The following KCNK6 variants were observed in gnomAD, a reference collection of about 807,000 sequenced individuals.
The protein encoded by KCNK6 is potassium channel subfamily K member 6.
A neutral mutation model predicts 21.9 loss-of-function variants in KCNK6; 20 were observed. The ratio of observed to expected loss-of-function variants is 0.91; its 90% CI spans 0.64 to 1.32. The LOEUF is 1.32. Ranked by LOEUF, KCNK6 falls within the 40% of genes most tolerant of loss-of-function variation. The probability of loss-of-function intolerance (pLI) is 0.00; values close to 1 mark genes in which losing one functional copy is unlikely to be tolerated. For missense variants in KCNK6, 415 were observed against 433.1 expected, an observed-to-expected ratio of 0.96 and a Z score of 0.37; for synonymous variants, 210 against 218.0, an observed-to-expected ratio of 0.96 and a Z score of 0.32.
Position 38,326,808 on chromosome 19 carries a change from G to A in KCNK6, c.538G>A (p.Val180Ile), listed in dbSNP as rs144758687. The part of the protein sequence containing the change: ...CWHLVALLGV[V>I]VTVCFLVPAV... ...GCACTTGGTGGCCCTGTTGGGGGTC[G>A]TAGTGACCGTCTGCTTTCTGGTGCC... is the stretch of plus-strand genomic sequence containing the variant. Residue 180 changes from valine (V) to isoleucine (I), a missense_variant, in exon 2 of 3, where the codon GTA becomes ATA. Coordinates refer to ENST00000263372, the MANE Select transcript of KCNK6 (RefSeq NM_004823.3). 1.7e-5 allele frequency: 28 copies of A among 1,607,478 alleles called. No homozygotes were observed. Among genetic ancestry groups the A allele is most frequent in the Middle Eastern group, 1.6e-4 (1 of 6,062 alleles).
chr19:38,321,631 A>G (rs1969652817), intron 1 of KCNK6, among the ~76,000 whole-genome samples: 1 of 152,214 alleles, frequency 6.6e-6, no homozygotes, highest in Non-Finnish European at 1.5e-5. Context: ...TTTGTTGAGG[A>G]GAGGAGGCTG....
intron 1 of KCNK6, among the ~76,000 whole-genome samples, chr19:38,324,481 C>T (rs565836332): frequency 9.9e-5 from 15 of 152,188 alleles, no homozygotes; most frequent in Non-Finnish European, 1.5e-4. Context: ...ACTTCCATTC[C>T]CAAGGTCGCC....
chr19:38,322,887 C>T (rs894445420), intron 1 of KCNK6, among the ~76,000 whole-genome samples: 7 of 151,792 alleles, frequency 4.6e-5, no homozygotes, highest in Admixed American at 2.0e-4. Context: ...CTGAGGCGGG[C>T]GGATCACCTG....
chr19:38,326,245 A>C (rs926621941), intron 1 of KCNK6, among the ~76,000 whole-genome samples: 1 of 151,976 alleles, frequency 6.6e-6, no homozygotes, highest in Non-Finnish European at 1.5e-5. Context: ...GCAGGTGTTG[A>C]GTGGGCAGGA....
intron 1 of KCNK6, among the ~76,000 whole-genome samples, chr19:38,324,468 G>A (rs931849229): frequency 4.6e-5 from 7 of 152,096 alleles, no homozygotes; most frequent in Non-Finnish European, 1.0e-4. Flanking sequence ...ACTCCTCTGC[G>A]CAACTTCCAT....
rs1428443760 is a variant in KCNK6, at chr19:38,326,642, C to T, written c.372C>T (p.Ile124=). 25 of 1,610,538 alleles carry T rather than the reference C, an allele frequency of 1.6e-5. No homozygotes were observed. The highest frequency in any genetic ancestry group is 2.2e-5 in the East Asian group (1 of 44,898). Reference sequence around the variant, plus strand: ...CTGATGCGGGCAAGGCCTTCTCCATCGCCTTTGCGCTCCTGGGCGTGCCGA... The same window carrying T: ...CTGATGCGGGCAAGGCCTTCTCCATTGCCTTTGCGCTCCTGGGCGTGCCGA... ...PLTDAGKAFS[I]AFALLGVPTT... is the part of the protein sequence containing the mutation. Residue 124 remains isoleucine (I), a synonymous_variant, in exon 2 of 3, where the codon ATC becomes ATT. Coordinates refer to ENST00000263372, the MANE Select transcript of KCNK6 (RefSeq NM_004823.3).
Position 38,320,067 on chromosome 19 carries a change from G to A in KCNK6, c.117G>A (p.Glu39=). The A allele has an allele frequency of 1.3e-6, 2 of 1,524,662 alleles. No homozygotes were observed. Among genetic ancestry groups the A allele is most frequent in the Non-Finnish European group, 1.8e-6 (2 of 1,142,604 alleles). 94.4% of individuals were successfully genotyped at this position (1,524,662 alleles called of 1,614,324 possible). ...CGCACGAAGCCAGGCTCCGAGCCGAGCTGGAGACGCTGCGGGCGCAGCTGC... is the reference window on the plus strand; with the variant it reads ...CGCACGAAGCCAGGCTCCGAGCCGAACTGGAGACGCTGCGGGCGCAGCTGC... ...EGPHEARLRA[E]LETLRAQLLQ... Residue 39 remains glutamate, a synonymous_variant, in exon 1 of 3, where the codon GAG becomes GAA. Coordinates refer to ENST00000263372, the MANE Select transcript of KCNK6 (RefSeq NM_004823.3).
intron 1 of KCNK6, 59 bp from the exon 2 acceptor site, chr19:38,326,534 G>A (rs908894638): frequency 2.0e-6 from 3 of 1,522,230 alleles, no homozygotes; most frequent in East Asian, 4.5e-5. Context: ...CCGGGTGACA[G>A]AGTGACCCCC....
intron 1 of KCNK6, among the ~76,000 whole-genome samples, chr19:38,320,756 A>G (rs1969642600): frequency 2.6e-5 from 4 of 151,894 alleles, no homozygotes; most frequent in South Asian, 4.2e-4. Context: ...ACGGAGTTTC[A>G]CCATGTTGGC....
Position 38,328,957 on chromosome 19 carries a change from AAAGAAAGAAAAGT to A in KCNK6, c.*1566_*1578del, listed in dbSNP as rs764605456. 6.6e-6 allele frequency: 1 copy of A among 151,156 alleles called. No homozygotes were observed. The highest frequency in any genetic ancestry group is 1.5e-5 in the Non-Finnish European group (1 of 67,640). The allele number at this position is 151,156 out of a possible 1,614,324, so 9.4% of individuals were successfully genotyped here. The stretch of plus-strand genomic sequence containing the variant: ...GAGAAAGAGAGAGAGAGAGAAAGAA[AAAGAAAGAAAAGT>A]AAGAAAGAAAAAAGAAAAAGAAAGA... On this transcript the variant is annotated 3_prime_UTR_variant, in exon 3 of 3. Coordinates refer to ENST00000263372, the MANE Select transcript of KCNK6 (RefSeq NM_004823.3).
rs1398498069 is a variant in KCNK6 at position 38,320,236 on chromosome 19, G to T, written c.286G>T (p.Ala96Ser). Residue 96 changes from alanine to serine, a missense_variant, in exon 1 of 3, where the codon GCT becomes TCT. Coordinates refer to ENST00000263372, the MANE Select transcript of KCNK6 (RefSeq NM_004823.3). The part of the protein sequence containing the change: ...ASDPAWDFAS[A>S]LFFASTLITT... ...GGACCCCGCCTGGGACTTCGCCTCTGCTCTCTTCTTCGCCAGCACGCTGAT... is the reference window on the plus strand; with the variant it reads ...GGACCCCGCCTGGGACTTCGCCTCTTCTCTCTTCTTCGCCAGCACGCTGAT... The T allele has an allele frequency of 1.7e-5, 28 of 1,605,802 alleles. No homozygotes were observed. The highest frequency in any genetic ancestry group is 2.1e-5 in the Non-Finnish European group (25 of 1,179,810).
rs989033670 is a variant in KCNK6, at chr19:38,319,905, C to CA, written c.-45dup. 1.3e-4 allele frequency: 184 copies of CA among 1,368,592 alleles called. No homozygotes were observed. The Middle Eastern group carries it at 2.4e-3, about 18-fold the overall frequency. The allele number at this position is 1,368,592 out of a possible 1,614,324, so 84.8% of individuals were successfully genotyped here. ...TGCCAGACGGTCCGGAGGCGGGGGC[C>CA]ACGTCAGCGGGGCCACCCAGGGCTC... On this transcript the variant is annotated 5_prime_UTR_variant, in exon 1 of 3. Coordinates refer to ENST00000263372, the MANE Select transcript of KCNK6 (RefSeq NM_004823.3).
rs753396263 is a variant in KCNK6, at chr19:38,327,379, C to A, written c.918C>A (p.Thr306=). ...SHQQLSASSH[T]DYASIPR is the part of the protein sequence containing the mutation. ...AGCAACTCTCTGCCAGCTCCCACAC[C>A]GACTACGCTTCCATCCCCAGGTAGC... is the stretch of plus-strand genomic sequence containing the variant. The change falls in exon 3 of 3, where the codon ACC becomes ACA. Residue 306 remains threonine (T), a synonymous_variant. Transcript: ENST00000263372. 1 of 1,610,086 alleles carries A rather than the reference C, an allele frequency of 6.2e-7. No homozygotes were observed. Among genetic ancestry groups the A allele is most frequent in the Non-Finnish European group, 8.5e-7 (1 of 1,179,994 alleles).
rs1320889980 is a variant in KCNK6, at chr19:38,327,205, C to A, written c.744C>A (p.Ala248=). ...VTVYLFLGLV[A]MVLVLQTFRH... ...TCTACCTCTTCCTGGGCCTGGTGGC[C>A]ATGGTGCTGGTGCTGCAGACCTTCC... Residue 248 remains alanine, a synonymous_variant, in exon 3 of 3, where the codon GCC becomes GCA. Transcript: ENST00000263372. 6.2e-7 allele frequency: 1 copy of A among 1,613,098 alleles called. No individual in the cohort carries two copies. Among genetic ancestry groups the A allele is most frequent in the Non-Finnish European group, 8.5e-7 (1 of 1,180,026 alleles).
chr19:38,325,649 C>CCA, intron 1 of KCNK6: 2 of 551,760 alleles, frequency 3.6e-6, no homozygotes, highest in Non-Finnish European at 2.3e-6. Flanking sequence ...AGGATGTTAC[C>CCA]ATTTAGGGTG....
At chr19:38,322,583 G>C (rs187657386) in intron 1 of KCNK6, among the ~76,000 whole-genome samples, 9 of 152,238 alleles carry the variant, frequency 5.9e-5, no homozygotes, top group Non-Finnish European at 1.3e-4. Flanking sequence ...TTGGAGGGCC[G>C]AGGTGGGCAG....
rs1443175591 is a variant in KCNK6, at chr19:38,326,933, G to A, written c.663G>A (p.Val221=). 2.5e-6 allele frequency: 4 copies of A among 1,608,938 alleles called. No individual in the cohort carries two copies. The African/African-American group carries it at 4.0e-5, about 16-fold the overall frequency. The change falls in exon 2 of 3, where the codon GTG becomes GTA. Residue 221 remains valine (V), a synonymous_variant. Transcript: ENST00000263372. The part of the protein sequence containing the change: ...SLSTIGLGDY[V]PGEAPGQPYR... Reference sequence around the variant, plus strand: ...CCACCATCGGCCTGGGCGACTACGTGCCCGGGGAGGCCCCTGGCCAGCCCT... The same window carrying A: ...CCACCATCGGCCTGGGCGACTACGTACCCGGGGAGGCCCCTGGCCAGCCCT...
Position 38,330,055 on chromosome 19 carries a change from GC to G in KCNK6, c.*2654del, listed in dbSNP as rs1969755079. ...TGTATCAAGAGGTCATAGGGGGCAG[GC>G]CAGGTGGCTCACGCCTGTAATCCCA... On this transcript the variant is annotated 3_prime_UTR_variant, in exon 3 of 3. Transcript: ENST00000263372. 6.6e-6 allele frequency: 1 copy of G among 152,480 alleles called. No individual in the cohort carries two copies. Among genetic ancestry groups the G allele is most frequent in the Non-Finnish European group, 1.5e-5 (1 of 68,242 alleles). 9.4% of individuals were successfully genotyped at this position (152,480 alleles called of 1,614,324 possible).
Position 38,326,986 on chromosome 19 carries a change from C to T in KCNK6, c.716C>T (p.Thr239Ile). Reference sequence around the variant, plus strand: ...CGGGCCCTCTACAAGGTGCTGGTCACAGGTGAGCTGGGTGGCTAGGGCAGG... The same window carrying T: ...CGGGCCCTCTACAAGGTGCTGGTCATAGGTGAGCTGGGTGGCTAGGGCAGG... The part of the protein sequence containing the change: ...PYRALYKVLV[T>I]VYLFLGLVAM... The change falls in exon 2 of 3, where the codon ACA becomes ATA. Residue 239 changes from threonine (T) to isoleucine (I), a missense_variant and splice_region_variant. By Grantham distance (89) the Thr-to-Ile change is moderately conservative. Transcript: ENST00000263372. The T allele has an allele frequency of 6.3e-7, 1 of 1,597,196 alleles. No homozygotes were observed. Among genetic ancestry groups the T allele is most frequent in the Non-Finnish European group, 8.5e-7 (1 of 1,177,090 alleles).
Sources: gnomAD v4.1 joint callset for allele counts (sites outside exome capture counted in the v4.1 genomes callset) on GRCh38, gnomAD v4.1.1 for gene constraint, MANE v1.5 for transcripts, NCBI Gene and HGNC (gene_info 2026-07-23, HGNC 2026-07-21) for gene names.